CCDC91: variants seen among roughly 807,000 people sequenced by gnomAD.
The protein encoded by CCDC91 is coiled-coil domain containing 91, also known as coiled-coil domain-containing protein 91.
A neutral mutation model predicts 63.2 loss-of-function variants in CCDC91; 48 were observed. The ratio of observed to expected loss-of-function variants is 0.76; its 90% CI spans 0.60 to 0.97. The LOEUF is 0.97. Ranked by LOEUF, CCDC91 falls within the 50% of genes least tolerant of loss-of-function variation. The pLI, the probability that CCDC91 is intolerant of heterozygous loss-of-function variation, is 0.00. For missense variants in CCDC91, 500 were observed against 494.6 expected (o/e 1.01, Z -0.10); for synonymous variants, 167 against 165.8 (o/e 1.01, Z -0.06).
intron 12 of CCDC91, among the ~76,000 whole-genome samples, chr12:28,528,790 G>A (rs1592966993): frequency 6.6e-6 from 1 of 152,076 alleles, no homozygotes; most frequent in East Asian, 1.9e-4. Context: ...CACTCAGGCT[G>A]GGCGATCTTA....
chr12:28,422,151 G>T (rs1199783251), intron 8 of CCDC91, among the ~76,000 whole-genome samples: 2 of 152,082 alleles, frequency 1.3e-5, no homozygotes, highest in Admixed American at 1.3e-4. Context: ...CATTTAGACG[G>T]ATATTGAGGA....
rs1295575563 is a variant in CCDC91 at position 28,512,270 on chromosome 12, G to GT, written c.1215+28113dup. Reference sequence around the variant, plus strand: ...CTCCATCAATATTACTTTTTCATCAGTTTTTTTTCCCCTTTTCCCAAGGGA... The same window carrying GT: ...CTCCATCAATATTACTTTTTCATCAGTTTTTTTTTCCCCTTTTCCCAAGGGA... On this transcript the variant is annotated intron_variant, in intron 12 of 12. Transcript: ENST00000536442. Among the ~76,000 whole-genome samples, 50 of 151,618 alleles carry GT rather than the reference G, an allele frequency of 3.3e-4. 1 individual carries two copies. In the East Asian group the frequency reaches 7.6e-3, roughly 23 times the overall value.
intron 11 of CCDC91, among the ~76,000 whole-genome samples, chr12:28,466,480 A>T (rs1272904215): frequency 6.6e-6 from 1 of 152,190 alleles, no homozygotes; most frequent in Admixed American, 6.5e-5. Context: ...AGAATAAGCA[A>T]ATAACATATA....
At chr12:28,468,660 A>C (rs1457672069) in intron 11 of CCDC91, among the ~76,000 whole-genome samples, 1 of 152,030 alleles carries the variant, frequency 6.6e-6, no homozygotes, top group Non-Finnish European at 1.5e-5. Context: ...ACAAGCCAAT[A>C]TCTGTTAAAT....
rs1399967565 is a variant in CCDC91 at position 28,541,137 on chromosome 12, G to A, written c.1216-7926G>A. 3.9e-5 allele frequency among the ~76,000 whole-genome samples: 6 copies of A among 152,220 alleles called. 1 individual carries two copies. In the East Asian group the frequency reaches 1.2e-3, roughly 29 times the overall value. On this transcript the variant is annotated intron_variant, in intron 12 of 12. Transcript: ENST00000536442. ...TTTCATTTTAAGCCACTAGGTTTTG[G>A]GATGCTTTGTTGCACACCGATAGAT...
At chr12:28,446,291 C>T (rs1949497718) in intron 8 of CCDC91, among the ~76,000 whole-genome samples, 1 of 152,124 alleles carries the variant, frequency 6.6e-6, no homozygotes, top group Non-Finnish European at 1.5e-5. Context: ...TCTTTTGTGG[C>T]TATTGTGAAG....
rs140221787 is a variant in CCDC91 at position 28,450,409 on chromosome 12, C to T, written c.915C>T (p.Ser305=). The T allele has an allele frequency of 5.8e-5, 94 of 1,610,438 alleles. No homozygotes were observed. The highest frequency in any genetic ancestry group is 3.1e-4 in the South Asian group (28 of 90,926). ...AAAGAAATAAAGAGGCATTAGTATC[C>T]GCTGCAAAGGTATTTCCATCTGTAA... ...ERQRNKEALV[S]AAKLEKEAVK... is the part of the protein sequence containing the mutation. Residue 305 remains serine, a synonymous_variant, in exon 10 of 13, where the codon TCC becomes TCT. Transcript: ENST00000536442.
At chr12:28,424,845 C>G (rs1339122963) in intron 8 of CCDC91, among the ~76,000 whole-genome samples, 1 of 152,018 alleles carries the variant, frequency 6.6e-6, no homozygotes, top group Non-Finnish European at 1.5e-5. Context: ...AAGATTTACT[C>G]TATGTTTTTT....
At chr12:28,323,440 A>G (rs1460282995) in intron 6 of CCDC91, among the ~76,000 whole-genome samples, 2 of 151,788 alleles carry the variant, frequency 1.3e-5, no homozygotes, top group South Asian at 2.1e-4. Flanking sequence ...TTAAATTTCC[A>G]TATATACTTA....
chr12:28,289,971 C>T lies in CCDC91; in HGVS notation c.110-15678C>T, dbSNP rs139473432. On this transcript the variant is annotated intron_variant, in intron 3 of 12. Coordinates refer to ENST00000536442, the MANE Select transcript of CCDC91 (RefSeq NM_018318.5). ...CCTCCCAAAGTGCTGGGAATACAGG[C>T]GTGAGCCACCACACCTGGCCTGGGT... Among the ~76,000 whole-genome samples, 661 of 152,190 alleles carry T rather than the reference C, an allele frequency of 4.3e-3. 9 individuals are homozygous for T. The highest frequency in any genetic ancestry group is 0.031 in the Admixed American group (472 of 15,282).
chr12:28,383,997 A>G (rs190099470), intron 7 of CCDC91, among the ~76,000 whole-genome samples: 11 of 152,266 alleles, frequency 7.2e-5, no homozygotes, highest in South Asian at 4.1e-4. Context: ...TAGACCTCCA[A>G]ATTGGCTAAA....
rs1022863847 is a variant in CCDC91 at position 28,491,979 on chromosome 12, G to GTC, written c.1215+7815_1215+7816insCT. ...GGTGTTGGGGTGTGTGTGTGTGTGT[G>GTC]TGTCTGTTTGAAGGACCTCTATTTG... On this transcript the variant is annotated intron_variant, in intron 12 of 12. Transcript: ENST00000536442. Among the ~76,000 whole-genome samples, 7 of 151,304 alleles carry GTC rather than the reference G, an allele frequency of 4.6e-5. No individual in the cohort carries two copies. The Admixed American group carries it at 4.6e-4, about 10-fold the overall frequency.
intron 6 of CCDC91, among the ~76,000 whole-genome samples, chr12:28,358,487 G>A (rs1204266869): frequency 6.6e-6 from 1 of 152,098 alleles, no homozygotes; most frequent in African/African-American, 2.4e-5. Context: ...TTTATATAAG[G>A]CAGCATTTAA....
chr12:28,488,503 T>C (rs1246570634), intron 12 of CCDC91, among the ~76,000 whole-genome samples: 1 of 151,826 alleles, frequency 6.6e-6, no homozygotes, highest in Admixed American at 6.6e-5. Context: ...AAAATGCCTT[T>C]TTATAAGAAT....
At chr12:28,220,385 T>A (rs943460808) in intron 1 of CCDC91, among the ~76,000 whole-genome samples, 21 of 152,274 alleles carry the variant, frequency 1.4e-4, no homozygotes, top group African/African-American at 4.8e-4. Context: ...AACAATATGC[T>A]TTTATTTCAT....
chr12:28,206,473 C>G (rs1486274684), intron 1 of CCDC91, among the ~76,000 whole-genome samples: 1 of 152,084 alleles, frequency 6.6e-6, no homozygotes, highest in Non-Finnish European at 1.5e-5. Flanking sequence ...ATACAGTGCA[C>G]TAGGGAGACT....
chr12:28,265,682 G>A (rs544781222), intron 3 of CCDC91, among the ~76,000 whole-genome samples: 51 of 151,946 alleles, frequency 3.4e-4, no homozygotes, highest in Non-Finnish European at 1.0e-4. Context: ...CAGAACCTGA[G>A]TCCACAAATT....
At chr12:28,343,316 G>A (rs958145292) in intron 6 of CCDC91, among the ~76,000 whole-genome samples, 2 of 151,720 alleles carry the variant, frequency 1.3e-5, no homozygotes, top group African/African-American at 2.4e-5. Context: ...ATATGTGCAA[G>A]CACACATATT....
chr12:28,466,563 T>A (rs1304816288), intron 11 of CCDC91, among the ~76,000 whole-genome samples: 1 of 152,144 alleles, frequency 6.6e-6, no homozygotes, highest in East Asian at 1.9e-4. Context: ...TTGCATGGCA[T>A]ATTTAAAGTG....
Sources: allele counts gnomAD v4.1 joint callset (sites outside exome capture counted in the v4.1 genomes callset), GRCh38; gene constraint gnomAD v4.1.1; transcripts MANE v1.5; gene names NCBI Gene and HGNC (gene_info 2026-07-23, HGNC 2026-07-21).